The following ST6GALNAC3 variants were observed in gnomAD, a reference collection of about 807,000 sequenced individuals.
The protein encoded by ST6GALNAC3 is alpha-N-acetylgalactosaminide alpha-2,6-sialyltransferase 3.
A neutral mutation model predicts 32.7 loss-of-function variants in ST6GALNAC3; 25 were observed. The ratio of observed to expected loss-of-function variants is 0.76; its 90% CI spans 0.56 to 1.07. ST6GALNAC3 has a LOEUF of 1.07. Among genes scored for constraint, ST6GALNAC3 ranks in the 50% least tolerant of loss-of-function variants. The pLI, the probability that ST6GALNAC3 is intolerant of heterozygous loss-of-function variation, is 0.00. For synonymous variants in ST6GALNAC3, 129 were observed against 133.1 expected (o/e 0.97, Z 0.21); for missense variants, 355 against 382.4 (o/e 0.93, Z 0.60).
intron 1 of ST6GALNAC3, among the ~76,000 whole-genome samples, chr1:76,151,346 G>A (rs913549875): frequency 6.6e-6 from 1 of 152,134 alleles, no homozygotes; most frequent in African/African-American, 2.4e-5. Flanking sequence ...TGGAGAAAAC[G>A]GCCTACTTTC....
intron 2 of ST6GALNAC3, among the ~76,000 whole-genome samples, chr1:76,369,233 T>A (rs140122070): frequency 1.3e-5 from 2 of 152,182 alleles, no homozygotes; most frequent in East Asian, 3.9e-4. Context: ...CTCCTCTGTG[T>A]CTCTTAGGCT....
chr1:76,183,870 A>ATATG (rs987916689), intron 1 of ST6GALNAC3, among the ~76,000 whole-genome samples: 5 of 146,618 alleles, frequency 3.4e-5, no homozygotes, highest in Admixed American at 1.4e-4. Flanking sequence ...ATATATATAT[A>ATATG]TATGTATGTT....
At chr1:76,120,273 T>C (rs1405289919) in intron 1 of ST6GALNAC3, among the ~76,000 whole-genome samples, 2 of 152,204 alleles carry the variant, frequency 1.3e-5, no homozygotes, top group Non-Finnish European at 2.9e-5. Context: ...GTTCTATTAA[T>C]TGGATGTGTC....
At chr1:76,134,631 A>G (rs1038242197) in intron 1 of ST6GALNAC3, among the ~76,000 whole-genome samples, 3 of 152,120 alleles carry the variant, frequency 2.0e-5, no homozygotes, top group Non-Finnish European at 1.5e-5. Context: ...GAGCCCCTCT[A>G]GAGGTGGCCA....
chr1:76,421,416 C>T (rs1284631470), intron 3 of ST6GALNAC3, among the ~76,000 whole-genome samples: 1 of 152,040 alleles, frequency 6.6e-6, no homozygotes, highest in African/African-American at 2.4e-5. Flanking sequence ...TTTAGTTTCA[C>T]TTCAGTTGTG....
chr1:76,289,580 G>T (rs1463081592), intron 1 of ST6GALNAC3, among the ~76,000 whole-genome samples: 1 of 152,230 alleles, frequency 6.6e-6, no homozygotes, highest in Non-Finnish European at 1.5e-5. Flanking sequence ...GAGGCTTCTT[G>T]TGGGGCTGAG....
At chr1:76,580,063 G>A (rs1223432671) in intron 3 of ST6GALNAC3, among the ~76,000 whole-genome samples, 1 of 151,906 alleles carries the variant, frequency 6.6e-6, no homozygotes, top group Non-Finnish European at 1.5e-5. Context: ...AGCCAAGGGA[G>A]GTTAAACTCT....
At chr1:76,424,243 C>A (rs1489046391) in intron 3 of ST6GALNAC3, among the ~76,000 whole-genome samples, 1 of 151,934 alleles carries the variant, frequency 6.6e-6, no homozygotes, top group Non-Finnish European at 1.5e-5. Flanking sequence ...TTACTTCACT[C>A]ATTACTCATC....
rs927368802 is a variant in ST6GALNAC3, at chr1:76,111,222, A to AT, written c.18+36347dup. Among the ~76,000 whole-genome samples the AT allele has an allele frequency of 2.4e-4, 34 of 142,032 alleles. No individual in the cohort carries two copies. The East Asian group carries it at 3.7e-3, about 15-fold the overall frequency. 93.2% of individuals were successfully genotyped at this position (142,032 alleles called of 152,430 possible). The stretch of plus-strand genomic sequence containing the variant: ...GTGAAGACTAGGGAAGGCAATGAGG[A>AT]TTTTTTTTTGCCTAGATTAATTGGA... On this transcript the variant is annotated intron_variant, in intron 1 of 4. Transcript: ENST00000328299.
chr1:76,582,662 G>T (rs917060350), intron 3 of ST6GALNAC3, among the ~76,000 whole-genome samples: 2 of 151,916 alleles, frequency 1.3e-5, no homozygotes, highest in Non-Finnish European at 2.9e-5. Flanking sequence ...TTCCTTTTTT[G>T]GGACAGTATT....
chr1:76,338,853 G>A (rs773476749), intron 2 of ST6GALNAC3, among the ~76,000 whole-genome samples: 5 of 152,272 alleles, frequency 3.3e-5, no homozygotes, highest in East Asian at 1.9e-4. Context: ...AGAAAATAAG[G>A]TGTGGGCATC....
At chr1:76,119,542 T>A (rs1198057606) in intron 1 of ST6GALNAC3, among the ~76,000 whole-genome samples, 1 of 152,200 alleles carries the variant, frequency 6.6e-6, no homozygotes, top group Non-Finnish European at 1.5e-5. Context: ...GTATTTGGCC[T>A]GCATGGGAGA....
intron 1 of ST6GALNAC3, among the ~76,000 whole-genome samples, chr1:76,234,199 T>C (rs1039299580): frequency 2.0e-5 from 3 of 152,136 alleles, no homozygotes; most frequent in Admixed American, 2.0e-4. Context: ...CTTCCCTCCA[T>C]GTGCTTTACT....
At chr1:76,317,997 C>A (rs1003672967) in intron 2 of ST6GALNAC3, among the ~76,000 whole-genome samples, 4 of 152,054 alleles carry the variant, frequency 2.6e-5, no homozygotes, top group Non-Finnish European at 5.9e-5. Flanking sequence ...TGACAGCCTG[C>A]CCTGAAGGCC....
intron 1 of ST6GALNAC3, among the ~76,000 whole-genome samples, chr1:76,084,389 C>T (rs996747141): frequency 6.6e-6 from 1 of 152,170 alleles, no homozygotes; most frequent in African/African-American, 2.4e-5. Flanking sequence ...TGTGAGTTTT[C>T]CCAAGGGAGT....
At chr1:76,390,944 G>GTTT (rs1437847135) in intron 2 of ST6GALNAC3, among the ~76,000 whole-genome samples, 1 of 97,804 alleles carries the variant, frequency 1.0e-5, no homozygotes, top group African/African-American at 4.6e-5. Context: ...ATATATATAT[G>GTTT]TATTTTTTTT....
In ST6GALNAC3 at chr1:76,223,376, A is replaced by G. The variant is rs376021634; in HGVS notation, c.19-90429A>G. ...ACATAAACGCGAACACAAAGAGAAG[A>G]ACAACAGATACTGGGGCTTATTTCA... On this transcript the variant is annotated intron_variant, in intron 1 of 4. Transcript: ENST00000328299. Among the ~76,000 whole-genome samples the G allele has an allele frequency of 2.6e-4, 39 of 152,290 alleles. No individual in the cohort carries two copies. In the East Asian group the frequency reaches 7.2e-3, roughly 28 times the overall value.
intron 1 of ST6GALNAC3, among the ~76,000 whole-genome samples, chr1:76,131,008 T>C (rs2100865119): frequency 6.6e-6 from 1 of 152,336 alleles, no homozygotes; most frequent in African/African-American, 2.4e-5. Context: ...TGCTGTCTTT[T>C]GTGCCACCTT....
intron 1 of ST6GALNAC3, among the ~76,000 whole-genome samples, chr1:76,154,724 G>C (rs2100345474): frequency 6.6e-6 from 1 of 152,272 alleles, no homozygotes; most frequent in South Asian, 2.1e-4. Flanking sequence ...ATTTTGGGGA[G>C]AGCAGGAGTG....
Sources: allele counts gnomAD v4.1 joint callset (sites outside exome capture counted in the v4.1 genomes callset), GRCh38; gene constraint gnomAD v4.1.1; transcripts MANE v1.5; gene names NCBI Gene and HGNC (gene_info 2026-07-23, HGNC 2026-07-21).